SYNPR: variants seen among roughly 807,000 people sequenced by gnomAD.
SYNPR encodes synaptoporin.
Under a neutral mutation model 32.9 loss-of-function variants are expected in SYNPR, and 23 were observed. The observed-to-expected ratio is 0.70, with a 90% CI of 0.50 to 0.99. The LOEUF (loss-of-function observed/expected upper bound fraction) is 0.99. SYNPR is among the 50% of genes least tolerant of loss of function. SYNPR has a pLI of 0.00. For synonymous variants in SYNPR, 146 were observed against 135.9 expected (o/e 1.07, Z -0.52); for missense variants, 318 against 349.3 (o/e 0.91, Z 0.71).
intron 1 of SYNPR, among the ~76,000 whole-genome samples, chr3:63,231,214 G>T (rs539554523): frequency 1.3e-5 from 2 of 151,990 alleles, no homozygotes; most frequent in East Asian, 3.9e-4. Context: ...GATGGAGCTG[G>T]AAGCCATTAT....
intron 3 of SYNPR, among the ~76,000 whole-genome samples, chr3:63,271,459 T>C (rs979503405): frequency 9.9e-5 from 15 of 152,166 alleles, no homozygotes; most frequent in African/African-American, 3.6e-4. Context: ...TCAGAGCAGA[T>C]GCAAAAACTA....
intron 2 of SYNPR, among the ~76,000 whole-genome samples, chr3:63,257,744 A>C (rs1460760844): frequency 6.6e-6 from 1 of 152,228 alleles, no homozygotes; most frequent in South Asian, 2.1e-4. Context: ...TAAATGGGCT[A>C]AATGCTCCAA....
intron 2 of SYNPR, among the ~76,000 whole-genome samples, chr3:63,463,687 T>C (rs1700628528): frequency 6.6e-6 from 1 of 152,122 alleles, no homozygotes; most frequent in Non-Finnish European, 1.5e-5. Flanking sequence ...AAATTTTCTA[T>C]GGAGTAAGTC....
chr3:63,480,233 C>A (rs1701019459), intron 2 of SYNPR, among the ~76,000 whole-genome samples: 1 of 152,140 alleles, frequency 6.6e-6, no homozygotes, highest in African/African-American at 2.4e-5. Context: ...TTAGAAACAG[C>A]AACCAACACA....
chr3:63,571,892 T>A (rs1374323732), intron 4 of SYNPR, among the ~76,000 whole-genome samples: 1 of 152,144 alleles, frequency 6.6e-6, no homozygotes, highest in Non-Finnish European at 1.5e-5. Context: ...TAGACATCAG[T>A]TTCCTGTCCA....
chr3:63,457,887 G>A (rs1176613128), intron 2 of SYNPR, among the ~76,000 whole-genome samples: 1 of 152,016 alleles, frequency 6.6e-6, no homozygotes, highest in East Asian at 1.9e-4. Context: ...GGATATTACT[G>A]ATAACTCAGA....
intron 2 of SYNPR, among the ~76,000 whole-genome samples, chr3:63,397,697 T>G (rs962579731): frequency 2.6e-5 from 4 of 152,174 alleles, no homozygotes; most frequent in Non-Finnish European, 4.4e-5. Flanking sequence ...AGATTCAGTT[T>G]CAACCTATAC....
intron 3 of SYNPR, among the ~76,000 whole-genome samples, chr3:63,535,314 T>A (rs1442376949): frequency 6.6e-6 from 1 of 152,114 alleles, no homozygotes; most frequent in Non-Finnish European, 1.5e-5. Context: ...TCCAAGAAAT[T>A]TTTTGTGGAT....
intron 2 of SYNPR, chr3:63,330,285 T>C (rs1028176571): frequency 6.6e-6 from 1 of 152,182 alleles, no homozygotes; most frequent in African/African-American, 2.4e-5. Context: ...CCTCTACATG[T>C]GAGTTTTCTA....
At chr3:63,499,821 C>A (rs1333857090) in intron 3 of SYNPR, among the ~76,000 whole-genome samples, 1 of 151,912 alleles carries the variant, frequency 6.6e-6, no homozygotes, top group Non-Finnish European at 1.5e-5. Flanking sequence ...AATAAATACA[C>A]AGGCACACTG....
intron 2 of SYNPR, among the ~76,000 whole-genome samples, chr3:63,419,213 A>G (rs1481759905): frequency 6.6e-6 from 1 of 152,208 alleles, no homozygotes; most frequent in Non-Finnish European, 1.5e-5. Flanking sequence ...GACTCAGCCC[A>G]CCTGAGTTCT....
At chr3:63,327,862 C>A (rs1255201125) in intron 2 of SYNPR, among the ~76,000 whole-genome samples, 1 of 151,808 alleles carries the variant, frequency 6.6e-6, no homozygotes, top group Non-Finnish European at 1.5e-5. Context: ...GTGTGTTCAC[C>A]CTCTGAAAAT....
rs546909609 is a variant in SYNPR at position 63,398,555 on chromosome 3, A to T, written c.85-82277A>T. ...AACCCCATCTCTACTAAAAAATATT[A>T]AAAAAAAAAAAAATTAGCCGGGCAC... On this transcript the variant is annotated intron_variant, in intron 2 of 5. Coordinates refer to ENST00000478300, the MANE Select transcript of SYNPR (RefSeq NM_001130003.2). 2.6e-3 allele frequency among the ~76,000 whole-genome samples: 367 copies of T among 140,600 alleles called. 2 individuals are homozygous for T. Among genetic ancestry groups the T allele is most frequent in the African/African-American group, 9.0e-3 (341 of 38,096 alleles). The allele number at this position is 140,600 out of a possible 152,430, so 92.2% of individuals were successfully genotyped here.
chr3:63,234,878 A>G (rs1168129133), intron 1 of SYNPR, among the ~76,000 whole-genome samples: 2 of 152,228 alleles, frequency 1.3e-5, no homozygotes, highest in Non-Finnish European at 2.9e-5. Flanking sequence ...GAGAGGCTCT[A>G]TCATATTTTA....
chr3:63,207,342 T>G, the SYNPR span, among the ~76,000 whole-genome samples: 1 of 152,324 alleles, frequency 6.6e-6, no homozygotes, highest in African/African-American at 2.4e-5. Context: ...TGTCATTTTA[T>G]CTGATAATGC....
intron 2 of SYNPR, among the ~76,000 whole-genome samples, chr3:63,471,156 C>T (rs1436019557): frequency 6.6e-6 from 1 of 152,152 alleles, no homozygotes; most frequent in Non-Finnish European, 1.5e-5. Context: ...GTTAGAAGGG[C>T]ACGGTATTCA....
At chr3:63,207,341 A>G in the SYNPR span, among the ~76,000 whole-genome samples, 1 of 152,308 alleles carries the variant, frequency 6.6e-6, no homozygotes, top group East Asian at 1.9e-4. Context: ...CTGTCATTTT[A>G]TCTGATAATG....
intron 2 of SYNPR, chr3:63,445,586 T>C (rs556659775): frequency 8.6e-6 from 6 of 700,778 alleles, no homozygotes; most frequent in Admixed American, 6.0e-5. Flanking sequence ...AGTAAGTACA[T>C]CCTATATGCC....
intron 2 of SYNPR, among the ~76,000 whole-genome samples, chr3:63,305,624 C>T (rs1194745860): frequency 1.3e-5 from 2 of 151,910 alleles, no homozygotes; most frequent in East Asian, 1.9e-4. Flanking sequence ...GGTCTCACCG[C>T]CAGAAATTCT....
Sources: gnomAD v4.1 joint callset for allele counts (sites outside exome capture counted in the v4.1 genomes callset) on GRCh38, gnomAD v4.1.1 for gene constraint, MANE v1.5 for transcripts, NCBI Gene and HGNC (gene_info 2026-07-23, HGNC 2026-07-21) for gene names.